The following BUB3 variants were observed in gnomAD, a reference collection of about 807,000 sequenced individuals.
BUB3 encodes BUB3 mitotic checkpoint protein.
A neutral mutation model predicts 39.9 loss-of-function variants in BUB3; 22 were observed. That is an observed-to-expected ratio of 0.55 (90% CI 0.39 to 0.79). The LOEUF is 0.79. Ranked by LOEUF, BUB3 falls within the 30% of genes least tolerant of loss-of-function variation. BUB3 has a pLI of 0.00. For synonymous variants in BUB3, 168 were observed against 155.1 expected, an observed-to-expected ratio of 1.08 and a Z score of -0.62; for missense variants, 303 against 415.4, an observed-to-expected ratio of 0.73 and a Z score of 2.35.
At chr10:123,157,433 G>A (rs1460110808) in intron 3 of BUB3, among the ~76,000 whole-genome samples, 2 of 152,206 alleles carry the variant, frequency 1.3e-5, no homozygotes, top group Non-Finnish European at 2.9e-5. Flanking sequence ...AGAATCAAGT[G>A]AGGAAGATAA....
rs542237580 is a variant in BUB3, at chr10:123,161,565, A to G, written c.577-671A>G. On this transcript the variant is annotated intron_variant, in intron 5 of 7. Transcript: ENST00000368865. ...AAAAAGTAGGATTTTACTGACTTATATATTTCTTCATAAACAGTTTTCAGG... is the reference window on the plus strand; with the variant it reads ...AAAAAGTAGGATTTTACTGACTTATGTATTTCTTCATAAACAGTTTTCAGG... Among the ~76,000 whole-genome samples the G allele has an allele frequency of 7.2e-5, 11 of 152,354 alleles. No individual in the cohort carries two copies. In the South Asian group the frequency reaches 2.3e-3, roughly 32 times the overall value.
chr10:123,156,783 G>T (rs989376810), intron 3 of BUB3, among the ~76,000 whole-genome samples: 27 of 134,300 alleles, frequency 2.0e-4, no homozygotes, highest in Non-Finnish European at 1.4e-4. Context: ...GTCTCACTCT[G>T]TTGACCAGGC....
chr10:123,164,857 A>G lies in BUB3; in HGVS notation c.*1022A>G. 7.4e-7 allele frequency: 1 copy of G among 1,358,006 alleles called. No homozygotes were observed. The highest frequency in any genetic ancestry group is 9.5e-7 in the Non-Finnish European group (1 of 1,057,080). The allele number at this position is 1,358,006 out of a possible 1,614,324, so 84.1% of individuals were successfully genotyped here. A position where few individuals can be genotyped will look rare whatever the true frequency, so the allele number is the denominator to read the frequency against. On this transcript the variant is annotated 3_prime_UTR_variant, in exon 8 of 8. Coordinates refer to ENST00000368865, the MANE Select transcript of BUB3 (RefSeq NM_004725.4). ...AATAGTATTTTTGTTGTCAAACTTT[A>G]AAATTTATATTAATTTGCAAATGTA... is the stretch of plus-strand genomic sequence containing the variant.
intron 7 of BUB3, 146 bp downstream of exon 7, chr10:123,162,974 C>A: frequency 1.3e-6 from 1 of 766,956 alleles, no homozygotes; most frequent in Non-Finnish European, 2.1e-6. Flanking sequence ...CATGTTCTCC[C>A]AAGCTTTCAA....
At chr10:123,162,963 T>C in intron 7 of BUB3, 135 bp downstream of exon 7, 2 of 838,230 alleles carry the variant, frequency 2.4e-6, no homozygotes, top group South Asian at 1.6e-5. Context: ...GTTGATGTTA[T>C]CATGTTCTCC....
chr10:123,161,590 GAATA>G (rs778920226), intron 5 of BUB3, among the ~76,000 whole-genome samples: 39 of 152,196 alleles, frequency 2.6e-4, no homozygotes, highest in Non-Finnish European at 5.0e-4. Flanking sequence ...CAGTTTTCAG[GAATA>G]AATCTTTTTC....
chr10:123,162,710 A>G lies in BUB3; in HGVS notation c.853A>G (p.Ser285Gly). Residue 285 changes from serine to glycine, a missense_variant, in exon 7 of 8, where the codon AGT (serine) becomes GGT (glycine). Physicochemically the swap from Ser to Gly is moderately conservative, Grantham distance 56 (BLOSUM62 0). Around this residue, in one of 2 missense-constraint regions of BUB3, gnomAD observed 182 missense variants for 293.1 expected, o/e 0.62. Coordinates refer to ENST00000368865, the MANE Select transcript of BUB3 (RefSeq NM_004725.4). ...YPTSIASLAF[S>G]NDGTTLAIAS... ...CACGAGCATCGCATCACTTGCCTTC[A>G]GTAATGATGGGACTACGCTTGCAAT... 1 of 1,613,190 alleles carries G rather than the reference A, an allele frequency of 6.2e-7. No homozygotes were observed. Among genetic ancestry groups the G allele is most frequent in the South Asian group, 1.1e-5 (1 of 90,746 alleles).
rs889101218 is a variant in BUB3, at chr10:123,166,449, T to C, written c.*2614T>C. ...CCCTTCTTGCATGCGATGTATCTGGTGCATGTGTGCATTTTTTTCTTTGCT... is the reference window on the plus strand; with the variant it reads ...CCCTTCTTGCATGCGATGTATCTGGCGCATGTGTGCATTTTTTTCTTTGCT... On this transcript the variant is annotated 3_prime_UTR_variant, in exon 8 of 8. Coordinates refer to ENST00000368865, the MANE Select transcript of BUB3 (RefSeq NM_004725.4). 3 of 152,240 alleles carry C rather than the reference T, an allele frequency of 2.0e-5. No homozygotes were observed. The highest frequency in any genetic ancestry group is 4.8e-5 in the African/African-American group (2 of 41,468). The allele number at this position is 152,240 out of a possible 1,614,324, so 9.4% of individuals were successfully genotyped here. A position where few individuals can be genotyped will look rare whatever the true frequency, so the allele number is the denominator to read the frequency against.
At chr10:123,158,497 C>G (rs767080331) in intron 4 of BUB3, among the ~76,000 whole-genome samples, 13 of 152,306 alleles carry the variant, frequency 8.5e-5, no homozygotes, top group Admixed American at 3.3e-4. Context: ...CCTTCTGTAT[C>G]CTCATCAGAC....
At position 123,169,420 on chromosome 10, in the gene BUB3, A is replaced by T. The variant is rs1316126618; in HGVS notation, c.*5585A>T. The T allele has an allele frequency of 6.6e-6, 1 of 152,258 alleles. No homozygotes were observed. Among genetic ancestry groups the T allele is most frequent in the East Asian group, 1.9e-4 (1 of 5,204 alleles). 9.4% of individuals were successfully genotyped at this position (152,258 alleles called of 1,614,324 possible). A position where few individuals can be genotyped will look rare whatever the true frequency, so the allele number is the denominator to read the frequency against. On this transcript the variant is annotated 3_prime_UTR_variant, in exon 8 of 8. Transcript: ENST00000368865. Reference sequence around the variant, plus strand: ...CAGCCACTGCTAGGTTCTGGGGCTCAAAACACTGTGACAGATGCTGTGATA... The same window carrying T: ...CAGCCACTGCTAGGTTCTGGGGCTCTAAACACTGTGACAGATGCTGTGATA...
chr10:123,157,079 C>T lies in BUB3; in HGVS notation c.266-650C>T, dbSNP rs75868905. On this transcript the variant is annotated intron_variant, in intron 3 of 7. Coordinates refer to ENST00000368865, the MANE Select transcript of BUB3 (RefSeq NM_004725.4). ...ATTCCTATATCCTTAGCAGTTGGCA[C>T]AGATTCTGGTACATAGTAGATGTTA... is the stretch of plus-strand genomic sequence containing the variant. Among the ~76,000 whole-genome samples the T allele has an allele frequency of 8.0e-3, 1,218 of 152,194 alleles. 101 individuals are homozygous for T. The East Asian group carries it at 0.19, about 24-fold the overall frequency.
At position 123,165,972 on chromosome 10, in the gene BUB3, A is replaced by G. The variant is rs1338855687; in HGVS notation, c.*2137A>G. Reference sequence around the variant, plus strand: ...ATATAGTATTGTTATAGGTAACCAAATTATAGTAATGTGGACTTGTTTTTG... The same window carrying G: ...ATATAGTATTGTTATAGGTAACCAAGTTATAGTAATGTGGACTTGTTTTTG... On this transcript the variant is annotated 3_prime_UTR_variant, in exon 8 of 8. Coordinates refer to ENST00000368865, the MANE Select transcript of BUB3 (RefSeq NM_004725.4). 1.3e-5 allele frequency: 2 copies of G among 152,178 alleles called. No homozygotes were observed. The highest frequency in any genetic ancestry group is 2.9e-5 in the Non-Finnish European group (2 of 68,020). 9.4% of individuals were successfully genotyped at this position (152,178 alleles called of 1,614,324 possible).
intron 5 of BUB3, among the ~76,000 whole-genome samples, 171 bp from the exon 6 acceptor site, chr10:123,162,065 T>C (rs1465946539): frequency 6.6e-6 from 1 of 152,236 alleles, no homozygotes; most frequent in Non-Finnish European, 1.5e-5. Flanking sequence ...TCTTATTTTC[T>C]TTTTAAAGTC....
At chr10:123,154,743 G>T (rs1263678325) in intron 1 of BUB3, 175 bp from the exon 2 acceptor site, 1 of 672,998 alleles carries the variant, frequency 1.5e-6, no homozygotes, top group Admixed American at 3.4e-5. Context: ...GCGGGGGCCG[G>T]ATGATGGGGC....
chr10:123,155,346 C>T (rs1275533549), intron 2 of BUB3, among the ~76,000 whole-genome samples: 2 of 152,200 alleles, frequency 1.3e-5, no homozygotes, highest in Admixed American at 6.5e-5. Context: ...TAACTCTAAA[C>T]TTTCTGAAAA....
intron 6 of BUB3, 40 bp from the exon 7 acceptor site, chr10:123,162,572 G>A: frequency 2.5e-6 from 4 of 1,574,962 alleles, no homozygotes; most frequent in Non-Finnish European, 3.5e-6. Context: ...TCTGTATCTG[G>A]TGTTAAGAAC....
intron 7 of BUB3, among the ~76,000 whole-genome samples, chr10:123,163,470 A>G (rs182010865): frequency 9.1e-4 from 139 of 152,298 alleles, no homozygotes; most frequent in Non-Finnish European, 1.8e-3. Flanking sequence ...TTAAACTATA[A>G]AATACCTACT....
chr10:123,161,120 A>G (rs1331868852), intron 5 of BUB3, among the ~76,000 whole-genome samples: 1 of 151,986 alleles, frequency 6.6e-6, no homozygotes, highest in Non-Finnish European at 1.5e-5. Context: ...GTCACCTTCC[A>G]TCATCGCTAA....
chr10:123,167,029 A>G lies in BUB3; in HGVS notation c.*3194A>G, dbSNP rs1316365084. On this transcript the variant is annotated 3_prime_UTR_variant, in exon 8 of 8. Transcript: ENST00000368865. ...CCTTCCCTCAGTGGGGACTCAACGCACATTAGCCTACTGAGAGCTTAGATC... is the reference window on the plus strand; with the variant it reads ...CCTTCCCTCAGTGGGGACTCAACGCGCATTAGCCTACTGAGAGCTTAGATC... 6.6e-6 allele frequency: 1 copy of G among 152,224 alleles called. No homozygotes were observed. The highest frequency in any genetic ancestry group is 1.5e-5 in the Non-Finnish European group (1 of 68,032). 9.4% of individuals were successfully genotyped at this position (152,224 alleles called of 1,614,324 possible).
Sources: allele counts gnomAD v4.1 joint callset (sites outside exome capture counted in the v4.1 genomes callset), GRCh38; gene constraint gnomAD v4.1.1; regional missense constraint gnomAD v4.1.1; transcripts MANE v1.5; gene names NCBI Gene and HGNC (gene_info 2026-07-23, HGNC 2026-07-21).